KCNK9: variants seen among roughly 807,000 people sequenced by gnomAD.
The protein encoded by KCNK9 is potassium two pore domain channel subfamily K member 9.
In KCNK9, 1 loss-of-function variant was observed where a neutral mutation model predicts 10.8. The observed-to-expected ratio is 0.09, with a 90% confidence interval of 0.03 to 0.44. KCNK9 has a LOEUF of 0.44. Among genes scored for constraint, KCNK9 ranks in the 20% least tolerant of loss-of-function variants. KCNK9 has a pLI of 0.97. For missense variants in KCNK9, 303 were observed against 515.0 expected (o/e 0.59, Z 3.98); for synonymous variants, 231 against 222.7 (o/e 1.04, Z -0.33).
chr8:139,647,474 A>G (rs1257429968), intron 1 of KCNK9, among the ~76,000 whole-genome samples: 1 of 152,248 alleles, frequency 6.6e-6, no homozygotes, highest in Non-Finnish European at 1.5e-5. Flanking sequence ...CATGCCCAGC[A>G]TGATGAACAA....
intron 1 of KCNK9, among the ~76,000 whole-genome samples, chr8:139,690,200 T>G (rs1816909311): frequency 6.6e-6 from 1 of 152,300 alleles, no homozygotes; most frequent in Non-Finnish European, 1.5e-5. Flanking sequence ...CGGGCATAAC[T>G]CCTTTCTGCC....
intron 1 of KCNK9, among the ~76,000 whole-genome samples, chr8:139,664,058 T>C (rs1414745591): frequency 5.9e-5 from 9 of 152,086 alleles, no homozygotes; most frequent in Non-Finnish European, 1.2e-4. Flanking sequence ...CAGGGACCGA[T>C]CAAGCCGCCT....
At chr8:139,629,153 C>G (rs1022992723) in intron 1 of KCNK9, among the ~76,000 whole-genome samples, 1 of 152,236 alleles carries the variant, frequency 6.6e-6, no homozygotes, top group South Asian at 2.1e-4. Context: ...GGCTGAGCCT[C>G]GATACACATC....
chr8:139,639,412 G>C (rs934617728), intron 1 of KCNK9, among the ~76,000 whole-genome samples: 3 of 152,230 alleles, frequency 2.0e-5, no homozygotes, highest in Non-Finnish European at 4.4e-5. Context: ...CACGCTGTCT[G>C]GCGGGGAGTA....
rs139453785 is a variant in KCNK9 at position 139,674,668 on chromosome 8, C to T, written c.283+28042G>A. ...CTCTGCAGTGCCTCACGGGGCCAGA[C>T]GGTCTCTCCCCTCTTCCGTGCTGCC... On this transcript the variant is annotated intron_variant, in intron 1 of 1. Transcript: ENST00000520439. 1.2e-3 allele frequency among the ~76,000 whole-genome samples: 190 copies of T among 152,316 alleles called. 2 individuals carry two copies. Among genetic ancestry groups the T allele is most frequent in the Admixed American group, 3.9e-3 (60 of 15,306 alleles).
chr8:139,669,191 T>C lies in KCNK9; in HGVS notation c.283+33519A>G, dbSNP rs112640048. Among the ~76,000 whole-genome samples the C allele has an allele frequency of 8.9e-4, 136 of 152,326 alleles. 1 individual carries two copies. Among genetic ancestry groups the C allele is most frequent in the African/African-American group, 3.2e-3 (133 of 41,574 alleles). On this transcript the variant is annotated intron_variant, in intron 1 of 1. Transcript: ENST00000520439. ...CTTTTGCTGGTGAAAAGTCTTGTCT[T>C]CATGTGAATGGCTGCTGATTGATTA...
intron 1 of KCNK9, among the ~76,000 whole-genome samples, chr8:139,636,792 GC>G (rs1815353306): frequency 6.6e-6 from 1 of 152,176 alleles, no homozygotes; most frequent in African/African-American, 2.4e-5. Context: ...ATTTGAACCT[GC>G]CCTTGTCCTA....
At chr8:139,616,727 G>A (rs761826027), downstream of KCNK9, 1 of 152,200 alleles carries the variant, frequency 6.6e-6, no homozygotes, top group Admixed American at 6.5e-5. Context: ...TTCCATGCAA[G>A]AGCCATGAAC....
Position 139,702,618 on chromosome 8 carries a change from G to A in KCNK9, c.283+92C>T. 2 of 1,342,824 alleles carry A rather than the reference G, an allele frequency of 1.5e-6. No homozygotes were observed. Among genetic ancestry groups the A allele is most frequent in the South Asian group, 1.4e-5 (1 of 72,852 alleles). The allele number at this position is 1,342,824 out of a possible 1,614,324, so 83.2% of individuals were successfully genotyped here. On this transcript the variant is annotated intron_variant, in intron 1 of 1. Transcript: ENST00000520439. The surrounding 1 kb of genome is among the most constrained non-coding windows in gnomAD (Gnocchi z 7.5). ...CCAAGGGAGGCTGCGTTTAACCCTC[G>A]ACGCCCTGCACCCAGCCCGGCGCGG...
exon 3 of KCNK9, chr8:139,601,565 G>C (rs886231335): frequency 1.3e-5 from 2 of 152,240 alleles, no homozygotes; most frequent in Non-Finnish European, 1.5e-5. Flanking sequence ...GAAGGAGAGA[G>C]CTGTCCCCGT....
At chr8:139,699,551 A>G (rs976069687) in intron 1 of KCNK9, among the ~76,000 whole-genome samples, 1 of 152,228 alleles carries the variant, frequency 6.6e-6, no homozygotes. Context: ...AGAAATAGCT[A>G]CAAGTGGCAC....
At position 139,699,771 on chromosome 8, in the gene KCNK9, G is replaced by A. The variant is rs562864096; in HGVS notation, c.283+2939C>T. On this transcript the variant is annotated intron_variant, in intron 1 of 1. Coordinates refer to ENST00000520439, the MANE Select transcript of KCNK9 (RefSeq NM_001282534.2). Reference sequence around the variant, plus strand: ...AGGAAGGCTCGGCCACAGATTCAACGCAAAGTGGTAATTACATACGTTTTA... The same window carrying A: ...AGGAAGGCTCGGCCACAGATTCAACACAAAGTGGTAATTACATACGTTTTA... 1.6e-4 allele frequency among the ~76,000 whole-genome samples: 25 copies of A among 152,308 alleles called. No individual in the cohort carries two copies. The South Asian group carries it at 3.9e-3, about 24-fold the overall frequency.
intron 1 of KCNK9, among the ~76,000 whole-genome samples, chr8:139,679,202 C>T (rs958320231): frequency 1.5e-4 from 23 of 152,232 alleles, no homozygotes; most frequent in African/African-American, 5.3e-4. Flanking sequence ...CCAATGACAG[C>T]CTATGGAAGT....
downstream of KCNK9, among the ~76,000 whole-genome samples, chr8:139,614,033 A>G (rs1814507334): frequency 1.3e-5 from 2 of 152,158 alleles, no homozygotes; most frequent in Admixed American, 1.3e-4. Flanking sequence ...AGCCTCAGTG[A>G]TGGTGGTTTT....
rs530296314 is a variant in KCNK9 at position 139,689,960 on chromosome 8, G to A, written c.283+12750C>T. ...CCGGCCACCTTTGCCATCATTGAGC[G>A]AAAAACATGCAATGACTTGAAGCAG... On this transcript the variant is annotated intron_variant, in intron 1 of 1. Coordinates refer to ENST00000520439, the MANE Select transcript of KCNK9 (RefSeq NM_001282534.2). Among the ~76,000 whole-genome samples the A allele has an allele frequency of 5.9e-5, 9 of 152,242 alleles. No individual in the cohort carries two copies. The East Asian group carries it at 9.7e-4, about 16-fold the overall frequency.
At position 139,618,482 on chromosome 8, in the gene KCNK9, A is replaced by C; in HGVS notation, c.901T>G (p.Cys301Gly). Residue 301 changes from cysteine to glycine, a missense_variant, in exon 2 of 2, where the codon TGC becomes GGC. This residue lies in a region of KCNK9 where 138 missense variants were observed against 161.1 expected (regional missense o/e 0.86). Transcript: ENST00000520439. This position sits in a 1 kb window ranked among gnomAD's most constrained non-coding sequence, Gnocchi z 7.9. ...PDLQSVCSCT[C>G]YRSQDYGGRS... is the part of the protein sequence containing the mutation. ...CCGCCATAGTCCTGCGAGCGGTAGCAGGTGCAGGAGCACACAGACTGCAGG... is the reference window on the plus strand; with the variant it reads ...CCGCCATAGTCCTGCGAGCGGTAGCCGGTGCAGGAGCACACAGACTGCAGG... 1 of 1,613,966 alleles carries C rather than the reference A, an allele frequency of 6.2e-7. No individual in the cohort carries two copies. Among genetic ancestry groups the C allele is most frequent in the Non-Finnish European group, 8.5e-7 (1 of 1,180,038 alleles).
chr8:139,640,210 G>C (rs542950508), intron 1 of KCNK9, among the ~76,000 whole-genome samples: 1 of 152,334 alleles, frequency 6.6e-6, no homozygotes, highest in East Asian at 1.9e-4. Context: ...CTGAGGCCGT[G>C]ATGCATGCGA....
At chr8:139,696,524 C>T (rs377669943) in intron 1 of KCNK9, among the ~76,000 whole-genome samples, 7 of 152,316 alleles carry the variant, frequency 4.6e-5, no homozygotes, top group African/African-American at 1.7e-4. Context: ...TGCCTGCTCA[C>T]CACCGTGTGC....
At chr8:139,694,373 A>C (rs1039286781) in intron 1 of KCNK9, among the ~76,000 whole-genome samples, 1 of 152,176 alleles carries the variant, frequency 6.6e-6, no homozygotes, top group African/African-American at 2.4e-5. Context: ...CAAGGACACA[A>C]ATTCTGAGCT....
Sources: allele counts gnomAD v4.1 joint callset (sites outside exome capture counted in the v4.1 genomes callset), GRCh38; gene constraint gnomAD v4.1.1; regional missense constraint gnomAD v4.1.1; non-coding constraint Gnocchi (gnomAD v3.1); transcripts MANE v1.5; gene names NCBI Gene and HGNC (gene_info 2026-07-23, HGNC 2026-07-21).